The following MGAT5B variants were observed in gnomAD, a reference collection of about 807,000 sequenced individuals.
MGAT5B encodes alpha-1,6-mannosylglycoprotein 6-beta-N-acetylglucosaminyltransferase B, also known as N-acetylglucosaminyl-transferase Vb.
MGAT5B carries 54 observed loss-of-function variants against 95.1 expected under a neutral mutation model. The observed-to-expected ratio is 0.57, with a 90% confidence interval of 0.46 to 0.71. The LOEUF (loss-of-function observed/expected upper bound fraction) is 0.71, where lower values mean the gene tolerates loss of function less well. MGAT5B is among the 30% of genes least tolerant of loss of function. The pLI is 0.00. For synonymous variants in MGAT5B, 464 were observed against 451.0 expected (o/e 1.03, Z -0.36); for missense variants, 935 against 1,088.6 (o/e 0.86, Z 1.99).
chr17:76,894,489 G>A lies in MGAT5B; in HGVS notation c.330-8066G>A, dbSNP rs149530736. On this transcript the variant is annotated intron_variant, in intron 3 of 17. Coordinates refer to ENST00000569840, the MANE Select transcript of MGAT5B (RefSeq NM_001199172.2). Reference sequence around the variant, plus strand: ...TTATCGTTAGTGGCATGGTTTTCTCGTGTCCTCCTAAAAGTCTAGGAAAAG... The same window carrying A: ...TTATCGTTAGTGGCATGGTTTTCTCATGTCCTCCTAAAAGTCTAGGAAAAG... Among the ~76,000 whole-genome samples, 181 of 152,284 alleles carry A rather than the reference G, an allele frequency of 1.2e-3. 1 individual carries two copies. Among genetic ancestry groups the A allele is most frequent in the African/African-American group, 4.2e-3 (173 of 41,552 alleles).
chr17:76,918,504 A>C lies in MGAT5B; in HGVS notation c.1026-6462A>C, dbSNP rs561775423. ...GGGAGGTCAGTCCATCCTGGGCAGG[A>C]AGAAAATGCTGCAGGACGGTGTAAT... On this transcript the variant is annotated intron_variant, in intron 8 of 17. Coordinates refer to ENST00000569840, the MANE Select transcript of MGAT5B (RefSeq NM_001199172.2). The surrounding 1 kb of genome is among the most constrained non-coding windows in gnomAD (Gnocchi z 5.1). 1.3e-5 allele frequency among the ~76,000 whole-genome samples: 2 copies of C among 152,328 alleles called. No homozygotes were observed. Among genetic ancestry groups the C allele is most frequent in the East Asian group, 3.9e-4 (2 of 5,188 alleles).
intron 1 of MGAT5B, 136 bp from the exon 2 acceptor site, chr17:76,872,715 C>G: frequency 1.3e-6 from 2 of 1,556,820 alleles, no homozygotes; most frequent in Non-Finnish European, 1.7e-6. Context: ...GGAGCTCAGC[C>G]CCCATCCTTT....
chr17:76,911,717 CT>C (rs1968743575), intron 8 of MGAT5B, among the ~76,000 whole-genome samples: 1 of 152,146 alleles, frequency 6.6e-6, no homozygotes, highest in African/African-American at 2.4e-5. Flanking sequence ...TGGGGCCTCT[CT>C]GATACATAAA....
intron 12 of MGAT5B, among the ~76,000 whole-genome samples, chr17:76,935,884 T>G: frequency 1.2e-5 from 1 of 81,762 alleles, no homozygotes; most frequent in South Asian, 3.4e-4. Context: ...ATATATTATA[T>G]ATTATATAAT....
chr17:76,920,365 G>A (rs1190803454), intron 8 of MGAT5B, among the ~76,000 whole-genome samples: 2 of 152,168 alleles, frequency 1.3e-5, no homozygotes, highest in Admixed American at 1.3e-4. Context: ...CAGGATTGGT[G>A]GAAATGCACA....
Position 76,882,280 on chromosome 17 carries a change from T to C in MGAT5B, c.311T>C (p.Leu104Pro), listed in dbSNP as rs1372358989. 6.2e-7 allele frequency: 1 copy of C among 1,612,152 alleles called. No individual in the cohort carries two copies. The highest frequency in any genetic ancestry group is 8.5e-7 in the Non-Finnish European group (1 of 1,179,424). Residue 104 changes from leucine to proline, a missense_variant, in exon 3 of 18, where the codon CTG (leucine) becomes CCG (proline). Physicochemically the swap from Leu to Pro is moderately conservative, Grantham distance 98. This residue lies in a region of MGAT5B where 243 missense variants were observed against 228.2 expected (regional missense o/e 1.06). Transcript: ENST00000569840. ...SSELHRAGGD[L>P]HFPADRMPPG... Reference sequence around the variant, plus strand: ...GAGCTGCACCGGGCCGGCGGCGACCTGCACTTTCCCGCAGACAGGTGAGGG... The same window carrying C: ...GAGCTGCACCGGGCCGGCGGCGACCCGCACTTTCCCGCAGACAGGTGAGGG...
rs1276857696 is a variant in MGAT5B, at chr17:76,869,795, G to A, written c.68+698G>A. 6.6e-6 allele frequency among the ~76,000 whole-genome samples: 1 copy of A among 152,124 alleles called. No individual in the cohort carries two copies. Among genetic ancestry groups the A allele is most frequent in the African/African-American group, 2.4e-5 (1 of 41,446 alleles). On this transcript the variant is annotated intron_variant, in intron 1 of 17. Transcript: ENST00000569840. This position sits in a 1 kb window ranked among gnomAD's most constrained non-coding sequence, Gnocchi z 7.0. ...GGGCGGGCGGTGGCGAAGGCGACAC[G>A]CTTCGGGCGGCCAACACCTGGGGGC...
chr17:76,914,295 C>T lies in MGAT5B; in HGVS notation c.1025+8108C>T, dbSNP rs749827296. 1.1e-4 allele frequency among the ~76,000 whole-genome samples: 16 copies of T among 152,128 alleles called. No individual in the cohort carries two copies. Among genetic ancestry groups the T allele is most frequent in the African/African-American group, 2.4e-4 (10 of 41,424 alleles). ...GGCGGGATGGGGAGGACACAGCAGT[C>T]GTGAGTGTCTGCACTCCTCCAAGGA... is the stretch of plus-strand genomic sequence containing the variant. On this transcript the variant is annotated intron_variant, in intron 8 of 17. Transcript: ENST00000569840. This position sits in a 1 kb window ranked among gnomAD's most constrained non-coding sequence, Gnocchi z 5.1.
In MGAT5B at chr17:76,906,281, G is replaced by GCAGGCAGAGCAGGTA; in HGVS notation, c.1025+95_1025+96insAGGCAGAGCAGGTAC. On this transcript the variant is annotated intron_variant, in intron 8 of 17. Coordinates refer to ENST00000569840, the MANE Select transcript of MGAT5B (RefSeq NM_001199172.2). The surrounding 1 kb of genome is among the most constrained non-coding windows in gnomAD (Gnocchi z 4.6). ...CCTCCCAGGGGCTGTGGGAGCACCT[G>GCAGGCAGAGCAGGTA]CTCTGCCTGCAGGTCCCACGGCCCT... 7.8e-7 allele frequency: 1 copy of GCAGGCAGAGCAGGTA among 1,289,828 alleles called. No individual in the cohort carries two copies. The highest frequency in any genetic ancestry group is 1.0e-6 in the Non-Finnish European group (1 of 956,700). The allele number at this position is 1,289,828 out of a possible 1,614,324, so 79.9% of individuals were successfully genotyped here.
chr17:76,881,895 C>A (rs1006510885), intron 2 of MGAT5B, among the ~76,000 whole-genome samples: 4 of 152,222 alleles, frequency 2.6e-5, no homozygotes, highest in Non-Finnish European at 5.9e-5. Context: ...AGGAAATGAT[C>A]CCAATGTCAC....
chr17:76,940,288 G>A lies in MGAT5B; in HGVS notation c.1585-114G>A. 7 of 1,312,110 alleles carry A rather than the reference G, an allele frequency of 5.3e-6. No individual in the cohort carries two copies. Among genetic ancestry groups the A allele is most frequent in the East Asian group, 2.5e-5 (1 of 39,900 alleles). 81.3% of individuals were successfully genotyped at this position (1,312,110 alleles called of 1,614,324 possible). Reference sequence around the variant, plus strand: ...GGCTGAGCAAAAATAATCGCTCCAGGCCCAGCTGCCTCCTGTGAATATCCC... The same window carrying A: ...GGCTGAGCAAAAATAATCGCTCCAGACCCAGCTGCCTCCTGTGAATATCCC... On this transcript the variant is annotated intron_variant, in intron 13 of 17. Transcript: ENST00000569840. This position sits in a 1 kb window ranked among gnomAD's most constrained non-coding sequence, Gnocchi z 4.3.
rs1275459261 is a variant in MGAT5B at position 76,869,303 on chromosome 17, C to G, written c.68+206C>G. Among the ~76,000 whole-genome samples, 2 of 152,004 alleles carry G rather than the reference C, an allele frequency of 1.3e-5. No individual in the cohort carries two copies. Among genetic ancestry groups the G allele is most frequent in the African/African-American group, 2.4e-5 (1 of 41,392 alleles). ...GGGGAGGGTTGTGTTATTCGGGGAC[C>G]TGTCCCGAGTTGGGCAGGGTTGGAG... On this transcript the variant is annotated intron_variant, in intron 1 of 17. Coordinates refer to ENST00000569840, the MANE Select transcript of MGAT5B (RefSeq NM_001199172.2). This position sits in a 1 kb window ranked among gnomAD's most constrained non-coding sequence, Gnocchi z 7.0.
chr17:76,947,746 G>A lies in MGAT5B; in HGVS notation c.1924-84G>A, dbSNP rs1970077952. 8 of 1,464,746 alleles carry A rather than the reference G, an allele frequency of 5.5e-6. No homozygotes were observed. In the Admixed American group the frequency reaches 7.9e-5, roughly 15 times the overall value. 90.7% of individuals were successfully genotyped at this position (1,464,746 alleles called of 1,614,324 possible). ...CGCCCAGTAGTGGTGGCTCGTACTG[G>A]CACGGCAGGGCCACACCTTCAGGTG... On this transcript the variant is annotated intron_variant, in intron 16 of 17. Coordinates refer to ENST00000569840, the MANE Select transcript of MGAT5B (RefSeq NM_001199172.2).
intron 3 of MGAT5B, among the ~76,000 whole-genome samples, chr17:76,887,923 C>T (rs1250567831): frequency 1.3e-5 from 2 of 151,830 alleles, no homozygotes; most frequent in African/African-American, 4.8e-5. Context: ...TCCCTCATGG[C>T]CCCCCAGCTC....
intron 2 of MGAT5B, 96 bp from the exon 3 acceptor site, chr17:76,882,055 T>C (rs931476431): frequency 1.7e-5 from 24 of 1,393,534 alleles, no homozygotes; most frequent in South Asian, 7.1e-5. Context: ...CTGGGGGACT[T>C]TGGGGCCAGC....
chr17:76,928,000 T>C (rs1969367948), intron 10 of MGAT5B, among the ~76,000 whole-genome samples: 1 of 152,184 alleles, frequency 6.6e-6, no homozygotes, highest in Admixed American at 6.5e-5. Flanking sequence ...GGACTATTCT[T>C]TTTTTTCTGA....
In MGAT5B at chr17:76,884,224, T is replaced by C. The variant is rs989803377; in HGVS notation, c.329+1926T>C. Among the ~76,000 whole-genome samples, 8 of 152,320 alleles carry C rather than the reference T, an allele frequency of 5.3e-5. No individual in the cohort carries two copies. In the East Asian group the frequency reaches 1.5e-3, roughly 29 times the overall value. On this transcript the variant is annotated intron_variant, in intron 3 of 17. Coordinates refer to ENST00000569840, the MANE Select transcript of MGAT5B (RefSeq NM_001199172.2). Reference sequence around the variant, plus strand: ...TCTTTACTCTCCCAGAGGAGGAAGCTTTAATCTCCCAGAGGAAGAAACTGA... The same window carrying C: ...TCTTTACTCTCCCAGAGGAGGAAGCCTTAATCTCCCAGAGGAAGAAACTGA...
At chr17:76,871,733 G>A (rs1366636880) in intron 1 of MGAT5B, among the ~76,000 whole-genome samples, 3 of 152,170 alleles carry the variant, frequency 2.0e-5, no homozygotes, top group Non-Finnish European at 1.5e-5. Context: ...TCTCTCCAGG[G>A]AGCCTGACTC....
chr17:76,943,153 ACTGT>A (rs1468075887), intron 15 of MGAT5B, among the ~76,000 whole-genome samples: 6 of 151,318 alleles, frequency 4.0e-5, no homozygotes, highest in African/African-American at 7.3e-5. Flanking sequence ...GGAAGGACTG[ACTGT>A]CTGCGGTGAG....
Sources: gnomAD v4.1 joint callset for allele counts (sites outside exome capture counted in the v4.1 genomes callset) on GRCh38, gnomAD v4.1.1 for gene constraint, gnomAD v4.1.1 regional missense constraint, Gnocchi (gnomAD v3.1) non-coding constraint, MANE v1.5 for transcripts, NCBI Gene and HGNC (gene_info 2026-07-23, HGNC 2026-07-21) for gene names.